Variants in COL3A1 observed in about 807,000 individuals in gnomAD.
COL3A1 encodes collagen alpha-1(III) chain.
A neutral mutation model predicts 200.9 loss-of-function variants in COL3A1; 46 were observed. That is an observed-to-expected ratio of 0.23 (90% CI 0.18 to 0.29). COL3A1 has a LOEUF of 0.29. Among genes scored for constraint, COL3A1 ranks in the 10% least tolerant of loss-of-function variants. The pLI is 1.00. For synonymous variants in COL3A1, 650 were observed against 628.0 expected (o/e 1.03, Z -0.52); for missense variants, 1,367 against 1,917.6 (o/e 0.71, Z 5.36).
Position 188,995,690 on chromosome 2 carries a change from A to G in COL3A1, c.1510-2A>G. ...TTTTTTAAAATTTCTTTCACTACTT[A>G]GGGTCCTGCTGGAGAGCGTGGTGCT... On this transcript the variant is annotated splice_acceptor_variant, in intron 21 of 50. Transcript: ENST00000304636. LOFTEE classifies it high-confidence loss of function. 6.4e-7 allele frequency: 1 copy of G among 1,551,288 alleles called. No homozygotes were observed. Among genetic ancestry groups the G allele is most frequent in the Non-Finnish European group, 8.7e-7 (1 of 1,146,166 alleles).
intron 15 of COL3A1, 84 bp from the exon 16 acceptor site, chr2:188,993,277 T>C (rs1226282783): frequency 6.2e-6 from 7 of 1,136,682 alleles, no homozygotes; most frequent in Non-Finnish European, 7.8e-6. Context: ...TTTTGGGAGA[T>C]GTGTTTAAAC....
At chr2:189,004,690 T>C in intron 40 of COL3A1, among the ~76,000 whole-genome samples, 1 of 152,188 alleles carries the variant, frequency 6.6e-6, no homozygotes, top group South Asian at 2.1e-4. Flanking sequence ...GAAATAGTGT[T>C]AGCTTATAGA....
chr2:189,008,465 T>C, intron 47 of COL3A1: 1 of 427,502 alleles, frequency 2.3e-6, no homozygotes, highest in Non-Finnish European at 4.3e-6. Context: ...ATTATCTGCG[T>C]TTATGTAGTG....
In COL3A1 at chr2:188,997,686, T is replaced by A; in HGVS notation, c.1870-14T>A. 3 of 1,611,920 alleles carry A rather than the reference T, an allele frequency of 1.9e-6. No homozygotes were observed. The highest frequency in any genetic ancestry group is 2.5e-6 in the Non-Finnish European group (3 of 1,178,062). ...AGGATGTTTACAACAGAGTGTATCA[T>A]TATACTTTTCTAGGGGCCTGGTGGT... On this transcript the variant is annotated splice_polypyrimidine_tract_variant and intron_variant, in intron 26 of 50. Transcript: ENST00000304636.
At chr2:188,974,851 T>A (rs1229406678) in intron 1 of COL3A1, among the ~76,000 whole-genome samples, 1 of 152,164 alleles carries the variant, frequency 6.6e-6, no homozygotes, top group African/African-American at 2.4e-5. Context: ...GGCTTTAAAA[T>A]TTTTCCCTCC....
At chr2:189,002,423 A>G (rs1214585071) in intron 35 of COL3A1, 72 bp downstream of exon 35, 3 of 1,418,670 alleles carry the variant, frequency 2.1e-6, no homozygotes, top group Non-Finnish European at 3.0e-6. Context: ...TTACAAAAGT[A>G]TAGTCAAGTT....
Position 189,001,547 on chromosome 2 carries a change from T to C in COL3A1, c.2349T>C (p.Gly783=), listed in dbSNP as rs1321361557. The change falls in exon 34 of 51, where the codon GGT becomes GGC. Residue 783 remains glycine, a synonymous_variant. Coordinates refer to ENST00000304636, the MANE Select transcript of COL3A1 (RefSeq NM_000090.4). The part of the protein sequence containing the change: ...AGQPGDKGEG[G]APGLPGIAGP... Reference sequence around the variant, plus strand: ...TTCTCTTTTTCCAGGGTGAAGGTGGTGCCCCCGGACTTCCAGGTATAGCTG... The same window carrying C: ...TTCTCTTTTTCCAGGGTGAAGGTGGCGCCCCCGGACTTCCAGGTATAGCTG... 1.2e-6 allele frequency: 2 copies of C among 1,613,998 alleles called. No individual in the cohort carries two copies. The highest frequency in any genetic ancestry group is 1.7e-6 in the Non-Finnish European group (2 of 1,180,014).
At chr2:188,990,808 T>C (rs1015073923) in intron 10 of COL3A1, among the ~76,000 whole-genome samples, 196 bp from the exon 11 acceptor site, 3 of 152,172 alleles carry the variant, frequency 2.0e-5, no homozygotes, top group Admixed American at 2.0e-4. Context: ...AAATTGCACT[T>C]TCTAGTTTTC....
At position 189,010,206 on chromosome 2, in the gene COL3A1, A is replaced by G. The variant is rs1332063006; in HGVS notation, c.3852A>G (p.Gly1284=). Residue 1284 remains glycine (G), a synonymous_variant, in exon 49 of 51, where the codon GGA becomes GGG. Coordinates refer to ENST00000304636, the MANE Select transcript of COL3A1 (RefSeq NM_000090.4). ...AATACTGGGTTGACCCTAACCAAGG[A>G]TGCAAATTGGATGCTATCAAGGTAT... ...SGEYWVDPNQ[G]CKLDAIKVFC... The G allele has an allele frequency of 3.7e-6, 6 of 1,614,042 alleles. No homozygotes were observed. Among genetic ancestry groups the G allele is most frequent in the African/African-American group, 1.3e-5 (1 of 74,946 alleles).
chr2:188,983,262 C>T (rs1055106012), intron 1 of COL3A1, among the ~76,000 whole-genome samples: 2 of 151,964 alleles, frequency 1.3e-5, no homozygotes, highest in Non-Finnish European at 2.9e-5. Context: ...AGCTTTCCTT[C>T]GTTAGCTGTA....
chr2:189,002,290 C>A lies in COL3A1; in HGVS notation c.2392-8C>A, dbSNP rs1688484445. On this transcript the variant is annotated splice_polypyrimidine_tract_variant and splice_region_variant and intron_variant, in intron 34 of 50. Transcript: ENST00000304636. ...CACTGTGACTAAGGAGGATATTTTT[C>A]TCTTCAGGGTGAGAGAGGTGAAACT... The A allele has an allele frequency of 2.5e-6, 4 of 1,613,094 alleles. No homozygotes were observed. Among genetic ancestry groups the A allele is most frequent in the Non-Finnish European group, 3.4e-6 (4 of 1,179,076 alleles).
chr2:188,983,504 T>G (rs1687997507), intron 1 of COL3A1, among the ~76,000 whole-genome samples: 1 of 151,854 alleles, frequency 6.6e-6, no homozygotes, highest in African/African-American at 2.4e-5. Context: ...AAATTATTAT[T>G]ACCCTAGACA....
chr2:189,004,537 C>A (rs565422997), intron 40 of COL3A1, among the ~76,000 whole-genome samples, 173 bp downstream of exon 40: 1 of 152,052 alleles, frequency 6.6e-6, no homozygotes, highest in East Asian at 1.9e-4. Context: ...GGCTCCAGAA[C>A]ACAAAACAGG....
chr2:188,998,128 G>C, intron 27 of COL3A1, 138 bp from the exon 28 acceptor site: 1 of 752,154 alleles, frequency 1.3e-6, no homozygotes, highest in Non-Finnish European at 2.3e-6. Context: ...ACTGGATTTT[G>C]AGTGGCACAA....
At chr2:189,001,375 A>G in intron 32 of COL3A1, 22 bp from the exon 33 acceptor site, 1 of 1,610,520 alleles carries the variant, frequency 6.2e-7, no homozygotes. Flanking sequence ...TCAAAATTAA[A>G]AAATATTTTT....
At chr2:188,998,747 T>C (rs1688387279) in intron 29 of COL3A1, 29 bp downstream of exon 29, 1 of 1,605,924 alleles carries the variant, frequency 6.2e-7, no homozygotes. Flanking sequence ...CTCTACCTTC[T>C]TCAGCAGGTT....
chr2:188,996,068 T>C (rs1211106210), intron 22 of COL3A1, 57 bp from the exon 23 acceptor site: 4 of 1,464,428 alleles, frequency 2.7e-6, no homozygotes, highest in Non-Finnish European at 3.8e-6. Flanking sequence ...ATAGTGTATG[T>C]AGTAATTTTT....
intron 1 of COL3A1, among the ~76,000 whole-genome samples, chr2:188,977,581 TTGC>T (rs1687849387): frequency 1.3e-5 from 2 of 152,084 alleles, no homozygotes; most frequent in Non-Finnish European, 2.9e-5. Flanking sequence ...GAATGCATAG[TTGC>T]TCACATATCT....
chr2:188,980,325 CAACTT>C (rs1348554039), intron 1 of COL3A1, among the ~76,000 whole-genome samples: 1 of 150,060 alleles, frequency 6.7e-6, no homozygotes, highest in Admixed American at 6.7e-5. Context: ...AAATATTAAT[CAACTT>C]AAAGGACATT....
Sources: gnomAD v4.1 joint callset for allele counts (sites outside exome capture counted in the v4.1 genomes callset) on GRCh38, gnomAD v4.1.1 for gene constraint, MANE v1.5 for transcripts, NCBI Gene and HGNC (gene_info 2026-07-23, HGNC 2026-07-21) for gene names.